TBC1D14: variants seen among roughly 807,000 people sequenced by gnomAD.
The protein encoded by TBC1D14 is TBC1 domain family, member 14.
A neutral mutation model predicts 79.0 loss-of-function variants in TBC1D14; 26 were observed. The ratio of observed to expected loss-of-function variants is 0.33; its 90% CI spans 0.24 to 0.46. The LOEUF is 0.46. Ranked by LOEUF, TBC1D14 falls within the 20% of genes least tolerant of loss-of-function variation. The probability of loss-of-function intolerance (pLI) is 1.00; values close to 1 mark genes in which losing one functional copy is unlikely to be tolerated. For missense variants in TBC1D14, 769 were observed against 887.6 expected (o/e 0.87, Z 1.70); for synonymous variants, 394 against 349.9 (o/e 1.13, Z -1.40).
intron 1 of TBC1D14, among the ~76,000 whole-genome samples, chr4:6,914,803 G>A (rs767370703): frequency 6.6e-6 from 1 of 152,222 alleles, no homozygotes; most frequent in Non-Finnish European, 1.5e-5. Context: ...ACTTTGGGAG[G>A]CTGAGGCAGG....
At chr4:6,966,235 T>A (rs777616604) in intron 2 of TBC1D14, among the ~76,000 whole-genome samples, 3 of 152,260 alleles carry the variant, frequency 2.0e-5, no homozygotes, top group South Asian at 2.1e-4. Flanking sequence ...TTGAGAACTT[T>A]CTTTCTAGTC....
intron 1 of TBC1D14, among the ~76,000 whole-genome samples, chr4:6,917,992 G>A (rs1205989584): frequency 1.3e-5 from 2 of 152,106 alleles, no homozygotes; most frequent in South Asian, 2.1e-4. Context: ...GAAAACTGAC[G>A]CCCTGTTCTG....
At position 6,923,849 on chromosome 4, in the gene TBC1D14, G is replaced by A. The variant is rs1724062177; in HGVS notation, c.460G>A (p.Val154Ile). The change falls in exon 2 of 14, where the codon GTC (valine) becomes ATC (isoleucine). Residue 154 changes from valine to isoleucine, a missense_variant. Physicochemically the swap from Val to Ile is conservative, Grantham distance 29 (BLOSUM62 3). Coordinates refer to ENST00000409757, the MANE Select transcript of TBC1D14 (RefSeq NM_020773.3). ...CAAAGCCCTGACCCGCAGCGATGAT[G>A]TCTCCGTCTGCAGCGTGTCCAGTCT... Reference protein sequence around the residue: ...TSKALTRSDDVSVCSVSSLGT... With the variant: ...TSKALTRSDDISVCSVSSLGT... 1 of 1,614,184 alleles carries A rather than the reference G, an allele frequency of 6.2e-7. No homozygotes were observed. The highest frequency in any genetic ancestry group is 1.1e-5 in the South Asian group (1 of 91,080).
chr4:6,947,176 C>T lies in TBC1D14; in HGVS notation c.723-20128C>T, dbSNP rs967919148. Among the ~76,000 whole-genome samples, 110 of 151,836 alleles carry T rather than the reference C, an allele frequency of 7.2e-4. 1 individual carries two copies. The highest frequency in any genetic ancestry group is 2.3e-3 in the African/African-American group (96 of 41,356). Reference sequence around the variant, plus strand: ...AGGAGTTCAAGACCAGCCTGGCCAACGTGGTGAGACCCCTGTCGCTACTAA... The same window carrying T: ...AGGAGTTCAAGACCAGCCTGGCCAATGTGGTGAGACCCCTGTCGCTACTAA... On this transcript the variant is annotated intron_variant, in intron 2 of 13. Transcript: ENST00000409757.
chr4:7,011,305 G>A (rs3857173), intron 11 of TBC1D14, among the ~76,000 whole-genome samples: 1 of 148,860 alleles, frequency 6.7e-6, no homozygotes, highest in South Asian at 2.2e-4. Flanking sequence ...ATGACACTGC[G>A]TAAGTGGGAG....
At chr4:6,993,988 C>T (rs771480958) in intron 3 of TBC1D14, among the ~76,000 whole-genome samples, 196 bp from the exon 4 acceptor site, 5 of 152,108 alleles carry the variant, frequency 3.3e-5, no homozygotes, top group African/African-American at 4.8e-5. Flanking sequence ...CCAGCCTGGG[C>T]GACAGAGCGA....
intron 3 of TBC1D14, among the ~76,000 whole-genome samples, chr4:6,990,396 C>T (rs938057855): frequency 2.6e-5 from 4 of 152,192 alleles, no homozygotes; most frequent in African/African-American, 9.7e-5. Context: ...TTGCAGTGAG[C>T]CAAGGTTGCA....
intron 3 of TBC1D14, chr4:6,987,143 G>T: frequency 8.4e-7 from 1 of 1,188,674 alleles, no homozygotes; most frequent in Admixed American, 4.5e-5. Context: ...CTCCAGCCAG[G>T]CCTGACGCGC....
chr4:6,978,069 T>TTG (rs1716956982), intron 3 of TBC1D14, among the ~76,000 whole-genome samples: 4 of 144,412 alleles, frequency 2.8e-5, no homozygotes, highest in Non-Finnish European at 6.1e-5. Flanking sequence ...GGGAGGGAGG[T>TTG]GGGGGTCAGC....
intron 2 of TBC1D14, among the ~76,000 whole-genome samples, chr4:6,944,601 G>A (rs1453153281): frequency 2.0e-5 from 3 of 152,194 alleles, no homozygotes; most frequent in South Asian, 4.1e-4. Flanking sequence ...TTTTACAAAC[G>A]AGCATGCTCC....
chr4:6,954,486 G>T (rs1254587675), intron 2 of TBC1D14: 6 of 683,462 alleles, frequency 8.8e-6, no homozygotes, highest in Non-Finnish European at 1.6e-5. Flanking sequence ...GGTGTGAAAT[G>T]GAGGTGATCC....
chr4:6,992,263 T>C (rs548931224), intron 3 of TBC1D14, among the ~76,000 whole-genome samples: 1 of 152,370 alleles, frequency 6.6e-6, no homozygotes, highest in African/African-American at 2.4e-5. Flanking sequence ...GCTATCTGGC[T>C]GCAGAGGCCA....
intron 12 of TBC1D14, among the ~76,000 whole-genome samples, chr4:7,019,654 G>T (rs1219822675): frequency 1.3e-5 from 2 of 152,238 alleles, no homozygotes; most frequent in Non-Finnish European, 2.9e-5. Context: ...TTTCATGTCT[G>T]TTGGCCCCTG....
chr4:6,964,517 C>T (rs746595543), intron 2 of TBC1D14, among the ~76,000 whole-genome samples: 1 of 152,192 alleles, frequency 6.6e-6, no homozygotes, highest in Non-Finnish European at 1.5e-5. Context: ...TCTTCTACTG[C>T]CTGAAGTTTT....
At chr4:6,980,222 T>G (rs767162485) in intron 3 of TBC1D14, among the ~76,000 whole-genome samples, 7 of 152,226 alleles carry the variant, frequency 4.6e-5, no homozygotes, top group Non-Finnish European at 8.8e-5. Flanking sequence ...AGAGTGATAT[T>G]AGACTAGAAA....
At chr4:7,016,844 T>G (rs1721334200) in intron 12 of TBC1D14, among the ~76,000 whole-genome samples, 2 of 152,212 alleles carry the variant, frequency 1.3e-5, no homozygotes, top group African/African-American at 4.8e-5. Context: ...AGAATAGTGT[T>G]GTCTGCTTCT....
chr4:7,010,360 A>C (rs960073940), intron 10 of TBC1D14, among the ~76,000 whole-genome samples: 1 of 152,192 alleles, frequency 6.6e-6, no homozygotes, highest in African/African-American at 2.4e-5. Flanking sequence ...GGGACACTGG[A>C]CATAGGAAAG....
At chr4:6,922,625 T>C (rs927939875) in intron 1 of TBC1D14, among the ~76,000 whole-genome samples, 35 of 152,182 alleles carry the variant, frequency 2.3e-4, no homozygotes, top group African/African-American at 8.4e-4. Flanking sequence ...TTTTCCGTCT[T>C]AATGAAGATA....
rs759825854 is a variant in TBC1D14 at position 7,009,867 on chromosome 4, A to T, written c.1447-10A>T. The T allele has an allele frequency of 5.0e-6, 8 of 1,614,122 alleles. No homozygotes were observed. In the East Asian group the frequency reaches 8.9e-5, roughly 18 times the overall value. ...TGCATGTGTTGTTTTTGCTGTGTTG[A>T]TCCTTTTAGGGTGGTCCATATCATG... On this transcript the variant is annotated splice_polypyrimidine_tract_variant and intron_variant, in intron 9 of 13. Coordinates refer to ENST00000409757, the MANE Select transcript of TBC1D14 (RefSeq NM_020773.3).
Sources: gnomAD v4.1 joint callset for allele counts (sites outside exome capture counted in the v4.1 genomes callset) on GRCh38, gnomAD v4.1.1 for gene constraint, MANE v1.5 for transcripts, NCBI Gene and HGNC (gene_info 2026-07-23, HGNC 2026-07-21) for gene names.